Variants in SUMF1 observed in about 807,000 individuals in gnomAD.
SUMF1 encodes the protein sulfatase modifying factor 1.
A neutral mutation model predicts 47.6 loss-of-function variants in SUMF1; 48 were observed. The observed-to-expected ratio is 1.01, with a 90% CI of 0.80 to 1.28. The LOEUF (loss-of-function observed/expected upper bound fraction) is 1.28. Ranked by LOEUF, SUMF1 falls within the 50% of genes most tolerant of loss-of-function variation. The probability of loss-of-function intolerance (pLI) is 0.00; values close to 1 mark genes in which losing one functional copy is unlikely to be tolerated. For synonymous variants in SUMF1, 230 were observed against 192.1 expected, an observed-to-expected ratio of 1.20 and a Z score of -1.63; for missense variants, 571 against 485.4, an observed-to-expected ratio of 1.18 and a Z score of -1.66.
chr3:4,167,867 T>G (rs1308151513), intron 8 of SUMF1, among the ~76,000 whole-genome samples: 1 of 152,220 alleles, frequency 6.6e-6, no homozygotes, highest in African/African-American at 2.4e-5. Flanking sequence ...CATCTCTTTG[T>G]CACTTGCTAA....
At chr3:4,163,427 G>T (rs754721548) in intron 8 of SUMF1, among the ~76,000 whole-genome samples, 1 of 88,632 alleles carries the variant, frequency 1.1e-5, no homozygotes, top group Non-Finnish European at 2.5e-5. Context: ...AGGGAGGGAG[G>T]GAGGGAGGAT....
intron 8 of SUMF1, among the ~76,000 whole-genome samples, chr3:4,197,890 A>C (rs1397013323): frequency 2.0e-5 from 3 of 152,178 alleles, no homozygotes; most frequent in Non-Finnish European, 2.9e-5. Context: ...CATTCATGGA[A>C]TCAAAGCAGC....
chr3:4,120,625 T>C (rs1270450411), intron 8 of SUMF1, among the ~76,000 whole-genome samples: 1 of 152,050 alleles, frequency 6.6e-6, no homozygotes, highest in African/African-American at 2.4e-5. Context: ...AGGGTCCCTC[T>C]CTCACCACAG....
chr3:4,345,140 A>C (rs1699349432), intron 8 of SUMF1, among the ~76,000 whole-genome samples: 1 of 152,242 alleles, frequency 6.6e-6, no homozygotes, highest in African/African-American at 2.4e-5. Flanking sequence ...AACGTCCCCA[A>C]CCTAGCAAGA....
At chr3:4,109,041 A>C (rs961362218) in intron 8 of SUMF1, among the ~76,000 whole-genome samples, 17 of 152,096 alleles carry the variant, frequency 1.1e-4, no homozygotes, top group Admixed American at 3.3e-4. Context: ...ACAATTTGGC[A>C]TGTTTTTGCA....
intron 9 of SUMF1, among the ~76,000 whole-genome samples, chr3:4,062,260 G>A (rs947111966): frequency 6.6e-6 from 1 of 152,148 alleles, no homozygotes; most frequent in Non-Finnish European, 1.5e-5. Flanking sequence ...GGGCATCAAA[G>A]AGTCTAGCCA....
intron 8 of SUMF1, among the ~76,000 whole-genome samples, chr3:4,080,223 C>A (rs1289442572): frequency 6.6e-6 from 1 of 152,146 alleles, no homozygotes; most frequent in African/African-American, 2.4e-5. Flanking sequence ...TTGCTTTGAT[C>A]TCAAACTTAA....
intron 8 of SUMF1, among the ~76,000 whole-genome samples, chr3:4,079,279 G>A (rs1421731441): frequency 6.6e-6 from 1 of 152,078 alleles, no homozygotes; most frequent in Non-Finnish European, 1.5e-5. Context: ...GAATCTTAGA[G>A]TTGGAAGGGT....
chr3:4,390,207 G>A (rs1375996805), intron 7 of SUMF1, among the ~76,000 whole-genome samples: 1 of 152,130 alleles, frequency 6.6e-6, no homozygotes, highest in Non-Finnish European at 1.5e-5. Context: ...TAACGATTCA[G>A]AAGGGACCCC....
chr3:4,177,597 A>G (rs1378619071), intron 8 of SUMF1, among the ~76,000 whole-genome samples: 1 of 152,176 alleles, frequency 6.6e-6, no homozygotes, highest in Non-Finnish European at 1.5e-5. Context: ...GGAAAGATCT[A>G]AAATCAACAC....
intron 7 of SUMF1, among the ~76,000 whole-genome samples, chr3:4,395,569 C>A (rs147850539): frequency 6.6e-6 from 1 of 152,246 alleles, no homozygotes; most frequent in Non-Finnish European, 1.5e-5. Context: ...CAGTAAAACA[C>A]ACGAATCAAA....
At chr3:4,116,818 A>G (rs1350771264) in intron 8 of SUMF1, among the ~76,000 whole-genome samples, 2 of 152,116 alleles carry the variant, frequency 1.3e-5, no homozygotes, top group Non-Finnish European at 2.9e-5. Flanking sequence ...GGTCACTTCA[A>G]TACTTACTGA....
intron 8 of SUMF1, among the ~76,000 whole-genome samples, chr3:4,130,135 C>T (rs909947719): frequency 6.6e-6 from 1 of 152,164 alleles, no homozygotes; most frequent in Non-Finnish European, 1.5e-5. Flanking sequence ...CCATTCAACT[C>T]TCCCATTTGG....
At position 4,146,473 on chromosome 3, in the gene SUMF1, G is replaced by C. The variant is rs112354866; in HGVS notation, c.1015-77728C>G. ...CTTCCACATGAAATCAACACTGTCA[G>C]CATATGAAAAAGTAGAACAAAAAGT... On this transcript the variant is annotated intron_variant and NMD_transcript_variant, in intron 8 of 12. Transcript: ENST00000448413. Among the ~76,000 whole-genome samples the C allele has an allele frequency of 6.5e-3, 984 of 152,144 alleles. 21 individuals are homozygous for C. Among genetic ancestry groups the C allele is most frequent in the African/African-American group, 0.023 (945 of 41,512 alleles).
chr3:4,242,623 C>T (rs949207125), intron 8 of SUMF1, among the ~76,000 whole-genome samples: 2 of 152,104 alleles, frequency 1.3e-5, no homozygotes, highest in Admixed American at 6.6e-5. Context: ...GGGATAAAGC[C>T]CACTTGATCA....
intron 7 of SUMF1, among the ~76,000 whole-genome samples, chr3:4,377,416 C>T (rs927200874): frequency 8.5e-5 from 13 of 152,112 alleles, no homozygotes; most frequent in Non-Finnish European, 1.9e-4. Context: ...TATTCTCCAT[C>T]CAACCTTGGA....
intron 8 of SUMF1, among the ~76,000 whole-genome samples, chr3:4,233,189 C>A (rs1377212978): frequency 6.6e-6 from 1 of 152,142 alleles, no homozygotes; most frequent in Non-Finnish European, 1.5e-5. Flanking sequence ...GCTACACCTT[C>A]TGTGGGAGCT....
chr3:4,260,024 T>TAAA (rs11342745), intron 8 of SUMF1, among the ~76,000 whole-genome samples: 2 of 140,962 alleles, frequency 1.4e-5, no homozygotes, highest in Admixed American at 1.4e-4. Flanking sequence ...AGAAAAAGGA[T>TAAA]AAAAAAAAAA....
At chr3:4,093,472 G>A (rs555487401) in intron 8 of SUMF1, among the ~76,000 whole-genome samples, 6 of 152,166 alleles carry the variant, frequency 3.9e-5, no homozygotes, top group African/African-American at 1.4e-4. Flanking sequence ...CAGTGGTTGG[G>A]GAGAAGGAAA....
Sources: allele counts gnomAD v4.1 joint callset (sites outside exome capture counted in the v4.1 genomes callset), GRCh38; gene constraint gnomAD v4.1.1; transcripts MANE v1.5; gene names NCBI Gene and HGNC (gene_info 2026-07-23, HGNC 2026-07-21).